Variants in BRAF observed in about 807,000 individuals in gnomAD.
The protein encoded by BRAF is serine/threonine-protein kinase B-raf.
In BRAF, 16 loss-of-function variants were observed where a neutral mutation model predicts 104.6. That is an observed-to-expected ratio of 0.15 (90% confidence interval 0.10 to 0.23). The LOEUF (loss-of-function observed/expected upper bound fraction) is 0.23. Ranked by LOEUF, BRAF falls within the 10% of genes least tolerant of loss-of-function variation. The probability of loss-of-function intolerance (pLI) is 1.00; values close to 1 mark genes in which losing one functional copy is unlikely to be tolerated. For missense variants in BRAF, 541 were observed against 937.3 expected (o/e 0.58, Z 5.52); for synonymous variants, 310 against 341.6 (o/e 0.91, Z 1.02).
intron 19 of BRAF, chr7:140,733,372 A>T (rs889470606): frequency 6.6e-6 from 1 of 152,224 alleles, no homozygotes; most frequent in Non-Finnish European, 1.5e-5. Context: ...AAATTGAGTA[A>T]GTGAAGATAT....
intron 5 of BRAF, among the ~76,000 whole-genome samples, chr7:140,805,819 G>C (rs185032548): frequency 1.2e-4 from 18 of 152,264 alleles, no homozygotes; most frequent in Non-Finnish European, 7.4e-5. Flanking sequence ...AGCCCTCCTT[G>C]AATAGCCAAG....
At chr7:140,827,871 T>C (rs1051437573) in intron 3 of BRAF, among the ~76,000 whole-genome samples, 1 of 152,212 alleles carries the variant, frequency 6.6e-6, no homozygotes, top group Non-Finnish European at 1.5e-5. Context: ...TCCAATAACA[T>C]TTTACTGATG....
chr7:140,827,248 G>A (rs1806158985), intron 3 of BRAF, among the ~76,000 whole-genome samples: 1 of 152,098 alleles, frequency 6.6e-6, no homozygotes, highest in African/African-American at 2.4e-5. Flanking sequence ...TTCCTTGCAT[G>A]TCTTACAACT....
In BRAF at chr7:140,723,590, G is replaced by A. The variant is rs1412882321; in HGVS notation, c.*2904C>T. On this transcript the variant is annotated 3_prime_UTR_variant, in exon 20 of 20. Transcript: ENST00000644969. Reference sequence around the variant, plus strand: ...TATTTTTTTGGTCAATATTATTTCAGTGGCAAAAGTCTAGGTCCTTGACTC... The same window carrying A: ...TATTTTTTTGGTCAATATTATTTCAATGGCAAAAGTCTAGGTCCTTGACTC... 4 of 1,049,040 alleles carry A rather than the reference G, an allele frequency of 3.8e-6. No homozygotes were observed. In the Admixed American group the frequency reaches 1.7e-4, roughly 43 times the overall value. The allele number at this position is 1,049,040 out of a possible 1,614,324, so 65.0% of individuals were successfully genotyped here. A position where few individuals can be genotyped will look rare whatever the true frequency, so the allele number is the denominator to read the frequency against.
In BRAF at chr7:140,773,856, C is replaced by A. The variant is rs957709523; in HGVS notation, c.1814+3056G>T. ...CTATGATCACTTTTCCACCTGCTCTCCAGCTTTCAAAATGTTGCTGATATT... is the reference window on the plus strand; with the variant it reads ...CTATGATCACTTTTCCACCTGCTCTACAGCTTTCAAAATGTTGCTGATATT... On this transcript the variant is annotated intron_variant, in intron 14 of 19. Coordinates refer to ENST00000644969, the MANE Select transcript of BRAF (RefSeq NM_001374258.1). Among the ~76,000 whole-genome samples, 6 of 152,308 alleles carry A rather than the reference C, an allele frequency of 3.9e-5. No individual in the cohort carries two copies. The East Asian group carries it at 1.2e-3, about 29-fold the overall frequency.
chr7:140,737,842 A>G (rs1796567469), intron 18 of BRAF, among the ~76,000 whole-genome samples: 1 of 152,252 alleles, frequency 6.6e-6, no homozygotes, highest in Non-Finnish European at 1.5e-5. Flanking sequence ...GATAGCCTCC[A>G]ATAATCTGGA....
chr7:140,743,734 C>T (rs1038804427), intron 17 of BRAF, among the ~76,000 whole-genome samples: 6 of 151,738 alleles, frequency 4.0e-5, no homozygotes, highest in Non-Finnish European at 8.8e-5. Context: ...AAAAAAGGCA[C>T]ACCTTTTACC....
intron 3 of BRAF, among the ~76,000 whole-genome samples, chr7:140,819,429 G>C (rs1419414370): frequency 6.6e-6 from 1 of 152,152 alleles, no homozygotes; most frequent in Non-Finnish European, 1.5e-5. Context: ...ATGCTCAAGG[G>C]AAAGTAAAAT....
chr7:140,829,287 G>A (rs1806439471), intron 3 of BRAF, among the ~76,000 whole-genome samples: 1 of 148,758 alleles, frequency 6.7e-6, no homozygotes, highest in South Asian at 2.1e-4. Flanking sequence ...TTAAGATAGT[G>A]ACCTCAACTC....
intron 1 of BRAF, among the ~76,000 whole-genome samples, chr7:140,884,429 A>G (rs866487277): frequency 0.02 from 2,496 of 127,520 alleles, 61 homozygotes; most frequent in African/African-American, 0.044. Flanking sequence ...TATATAAGAT[A>G]TGTGTGTGTG....
chr7:140,847,732 T>C (rs534759641), intron 2 of BRAF, among the ~76,000 whole-genome samples: 37 of 152,342 alleles, frequency 2.4e-4, no homozygotes, highest in African/African-American at 8.9e-4. Flanking sequence ...TTACCCAAGA[T>C]GTGATATTAT....
intron 16 of BRAF, among the ~76,000 whole-genome samples, chr7:140,751,693 A>T (rs1017271001): frequency 6.6e-6 from 1 of 152,104 alleles, no homozygotes; most frequent in Non-Finnish European, 1.5e-5. Flanking sequence ...CCCCTCTTCC[A>T]CCTTGCCACC....
At chr7:140,806,322 T>G (rs2129047084) in intron 5 of BRAF, among the ~76,000 whole-genome samples, 1 of 152,364 alleles carries the variant, frequency 6.6e-6, no homozygotes, top group South Asian at 2.1e-4. Context: ...ATTATGAATG[T>G]TTATGAAAAT....
At chr7:140,865,324 C>A (rs1441779030) in intron 1 of BRAF, among the ~76,000 whole-genome samples, 1 of 152,158 alleles carries the variant, frequency 6.6e-6, no homozygotes, top group Admixed American at 6.5e-5. Context: ...AAGTGATCCA[C>A]CTGCCTCGGC....
chr7:140,727,264 A>C (rs1795655654), intron 19 of BRAF, among the ~76,000 whole-genome samples: 1 of 151,156 alleles, frequency 6.6e-6, no homozygotes, highest in Admixed American at 6.6e-5. Context: ...GTTCACTGCA[A>C]CCTCTACCTC....
intron 7 of BRAF, among the ~76,000 whole-genome samples, chr7:140,797,018 C>T (rs532242967): frequency 1.1e-4 from 16 of 152,188 alleles, no homozygotes; most frequent in Admixed American, 3.9e-4. Context: ...GATAAAATTA[C>T]ATTACCATAC....
chr7:140,832,677 G>C (rs1806900157), intron 3 of BRAF, among the ~76,000 whole-genome samples: 1 of 152,148 alleles, frequency 6.6e-6, no homozygotes. Context: ...ACAAGAACAA[G>C]TTACTTATTT....
chr7:140,736,902 T>C (rs1043694881), intron 18 of BRAF, among the ~76,000 whole-genome samples: 1 of 151,680 alleles, frequency 6.6e-6, no homozygotes, highest in African/African-American at 2.4e-5. Flanking sequence ...CACAAGAAAT[T>C]AGCTGGGTGT....
intron 9 of BRAF, chr7:140,785,893 G>T (rs974503130): frequency 2.5e-6 from 1 of 397,094 alleles, no homozygotes; most frequent in African/African-American, 2.1e-5. Flanking sequence ...GAATAAACAA[G>T]ATGAATTGAA....
Sources: gnomAD v4.1 joint callset for allele counts (sites outside exome capture counted in the v4.1 genomes callset) on GRCh38, gnomAD v4.1.1 for gene constraint, MANE v1.5 for transcripts, NCBI Gene and HGNC (gene_info 2026-07-23, HGNC 2026-07-21) for gene names.